Variants in ZNF670 observed in about 807,000 individuals in gnomAD.
The protein encoded by ZNF670 is zinc finger protein 670.
Under a neutral mutation model 10.9 loss-of-function variants are expected in ZNF670, and 7 were observed. The observed-to-expected ratio is 0.64, with a 90% CI of 0.36 to 1.20. The LOEUF is 1.20. Among genes scored for constraint, ZNF670 ranks in the 50% most tolerant of loss-of-function variants. The probability of loss-of-function intolerance (pLI) is 0.02; values close to 1 mark genes in which losing one functional copy is unlikely to be tolerated. For missense variants in ZNF670, 446 were observed against 458.6 expected, an observed-to-expected ratio of 0.97 and a Z score of 0.25; for synonymous variants, 136 against 152.7, an observed-to-expected ratio of 0.89 and a Z score of 0.81.
At chr1:247,072,637 A>T (rs541983211) in intron 1 of ZNF670, among the ~76,000 whole-genome samples, 3 of 151,312 alleles carry the variant, frequency 2.0e-5, no homozygotes, top group East Asian at 3.9e-4. Flanking sequence ...ATACAAAAAA[A>T]TTAGCTGGGC....
At chr1:247,067,643 C>T (rs1466392833) in intron 1 of ZNF670, among the ~76,000 whole-genome samples, 2 of 147,008 alleles carry the variant, frequency 1.4e-5, no homozygotes, top group Non-Finnish European at 3.0e-5. Flanking sequence ...GAGATCGAGA[C>T]CATCCCGGCT....
rs753609409 is a variant in ZNF670, at chr1:247,038,026, TTA to T, written c.591_592del (p.Tyr197Ter). Reference sequence around the variant, plus strand: ...GAAGGCTTTATCACAATGTTTACATTTATATGTTTTCTCTCCAGTGTAAGTGC... The same window carrying T: ...GAAGGCTTTATCACAATGTTTACATTTATGTTTTCTCTCCAGTGTAAGTGC... On this transcript the variant is annotated stop_gained and frameshift_variant, in exon 4 of 4. Transcript: ENST00000366503. LOFTEE classifies it low-confidence loss of function (END_TRUNC). 150 of 1,613,834 alleles carry T rather than the reference TTA, an allele frequency of 9.3e-5. No homozygotes were observed. Among genetic ancestry groups the T allele is most frequent in the Non-Finnish European group, 1.2e-4 (144 of 1,179,974 alleles).
rs764265073 is a variant in ZNF670 at position 247,038,011 on chromosome 1, T to C, written c.608A>G (p.Asp203Gly). The C allele has an allele frequency of 6.2e-7, 1 of 1,613,892 alleles. No individual in the cohort carries two copies. Among genetic ancestry groups the C allele is most frequent in the Non-Finnish European group, 8.5e-7 (1 of 1,179,902 alleles). Residue 203 changes from aspartate to glycine, a missense_variant, in exon 4 of 4, where the codon GAT becomes GGT. Asp to Gly is a moderately conservative substitution (Grantham distance 94). Coordinates refer to ENST00000366503, the MANE Select transcript of ZNF670 (RefSeq NM_033213.5). ...GEKTYKCKHC[D>G]KAFNYSSYLR... Reference sequence around the variant, plus strand: ...ATAACTTGAATAATTGAAGGCTTTATCACAATGTTTACATTTATATGTTTT... The same window carrying C: ...ATAACTTGAATAATTGAAGGCTTTACCACAATGTTTACATTTATATGTTTT...
intron 1 of ZNF670, among the ~76,000 whole-genome samples, chr1:247,056,268 A>G (rs1670712841): frequency 6.6e-6 from 1 of 152,214 alleles, no homozygotes; most frequent in African/African-American, 2.4e-5. Flanking sequence ...AGGATAGACC[A>G]TATGGTAGGT....
chr1:247,037,325 A>G lies in ZNF670; in HGVS notation c.*124T>C. ...AATTGCATACATTCTAATCTTCCTT[A>G]CATGTGTTGGGTTTCTCTCTAATTT... On this transcript the variant is annotated 3_prime_UTR_variant, in exon 4 of 4. Coordinates refer to ENST00000366503, the MANE Select transcript of ZNF670 (RefSeq NM_033213.5). 1 of 1,172,602 alleles carries G rather than the reference A, an allele frequency of 8.5e-7. No individual in the cohort carries two copies. The highest frequency in any genetic ancestry group is 1.2e-6 in the Non-Finnish European group (1 of 862,824). The allele number at this position is 1,172,602 out of a possible 1,614,324, so 72.6% of individuals were successfully genotyped here.
rs1670193692 is a variant in ZNF670 at position 247,037,719 on chromosome 1, T to C, written c.900A>G (p.Glu300=). The C allele has an allele frequency of 1.2e-6, 2 of 1,613,942 alleles. No homozygotes were observed. Among genetic ancestry groups the C allele is most frequent in the South Asian group, 1.1e-5 (1 of 91,056 alleles). The change falls in exon 4 of 4, where the codon GAA becomes GAG. Residue 300 remains glutamate, a synonymous_variant. Transcript: ENST00000366503. ...AGGGCTTTTCTCCACTGTGAGTCCT[T>C]TCATGGACTCTGAGGACTCTGGAAC... is the stretch of plus-strand genomic sequence containing the variant. ...FRCSRVLRVH[E]RTHSGEKPYE...
chr1:247,052,236 C>A (rs74155748), intron 1 of ZNF670, among the ~76,000 whole-genome samples: 4,209 of 152,236 alleles, frequency 0.028, 198 homozygotes, highest in African/African-American at 0.094. Flanking sequence ...GAGGAAAGAT[C>A]TGAGGCTCAA....
chr1:247,074,108 A>C (rs116611245), intron 1 of ZNF670, among the ~76,000 whole-genome samples: 61 of 152,326 alleles, frequency 4.0e-4, no homozygotes, highest in African/African-American at 1.4e-3. Context: ...ACACCTTCTC[A>C]TTATGACTTA....
chr1:247,064,404 T>C (rs1670935193), intron 1 of ZNF670, among the ~76,000 whole-genome samples: 1 of 152,210 alleles, frequency 6.6e-6, no homozygotes, highest in Admixed American at 6.5e-5. Flanking sequence ...GCTCCTTCCC[T>C]AAGTGACAAG....
At chr1:247,057,061 A>G (rs1215976739) in intron 1 of ZNF670, among the ~76,000 whole-genome samples, 1 of 152,202 alleles carries the variant, frequency 6.6e-6, no homozygotes, top group Non-Finnish European at 1.5e-5. Flanking sequence ...GTGAAAAGAC[A>G]ACATACAGAA....
At chr1:247,054,346 C>T (rs1670668297) in intron 1 of ZNF670, among the ~76,000 whole-genome samples, 1 of 152,240 alleles carries the variant, frequency 6.6e-6, no homozygotes, top group Admixed American at 6.5e-5. Flanking sequence ...GGGCTTATAC[C>T]ATCCCTCCTT....
chr1:247,068,061 G>A lies in ZNF670; in HGVS notation c.3+10533C>T, dbSNP rs1481469307. On this transcript the variant is annotated intron_variant, in intron 1 of 3. Transcript: ENST00000366503. ...AGGCTGGGCGCAGCGGCTCACGCCT[G>A]TAATCCCAGCACTTTGAGAGGCCGA... is the stretch of plus-strand genomic sequence containing the variant. Among the ~76,000 whole-genome samples the A allele has an allele frequency of 3.0e-4, 45 of 150,580 alleles. 1 individual carries two copies. Among genetic ancestry groups the A allele is most frequent in the African/African-American group, 7.5e-5 (3 of 40,030 alleles).
rs908884415 is a variant in ZNF670 at position 247,036,583 on chromosome 1, G to T, written c.*866C>A. Among the ~76,000 whole-genome samples the T allele has an allele frequency of 3.9e-5, 6 of 152,220 alleles. No homozygotes were observed. The highest frequency in any genetic ancestry group is 3.4e-3 in the Middle Eastern group (1 of 294). Reference sequence around the variant, plus strand: ...AGGCTAAGGTGGGAGAATCACTTGAGCCCAGGAATTTGAGGCTGCAGTGAG... The same window carrying T: ...AGGCTAAGGTGGGAGAATCACTTGATCCCAGGAATTTGAGGCTGCAGTGAG... On this transcript the variant is annotated 3_prime_UTR_variant, in exon 4 of 4. Coordinates refer to ENST00000366503, the MANE Select transcript of ZNF670 (RefSeq NM_033213.5).
chr1:247,075,765 T>C (rs879264774), intron 1 of ZNF670, among the ~76,000 whole-genome samples: 7 of 152,174 alleles, frequency 4.6e-5, no homozygotes, highest in Non-Finnish European at 8.8e-5. Flanking sequence ...CTCTTATAAA[T>C]TGTCCAGCCT....
rs183665011 is a variant in ZNF670, at chr1:247,041,354, G to T, written c.4-1817C>A. On this transcript the variant is annotated intron_variant, in intron 1 of 3. Transcript: ENST00000366503. The stretch of plus-strand genomic sequence containing the variant: ...TGCAATATAAAAGAATTAGTATGAA[G>T]TGTAAAAATGAACACGATTTAAAAG... Among the ~76,000 whole-genome samples, 843 of 152,236 alleles carry T rather than the reference G, an allele frequency of 5.5e-3. 4 individuals carry two copies. Among genetic ancestry groups the T allele is most frequent in the Non-Finnish European group, 8.9e-3 (605 of 68,018 alleles).
Position 247,038,677 on chromosome 1 carries a change from G to T in ZNF670, c.191+133C>A, listed in dbSNP as rs992291744. 1.5e-5 allele frequency: 11 copies of T among 753,622 alleles called. No individual in the cohort carries two copies. The South Asian group carries it at 2.1e-4, about 14-fold the overall frequency. 46.7% of individuals were successfully genotyped at this position (753,622 alleles called of 1,614,324 possible). On this transcript the variant is annotated intron_variant, in intron 3 of 3. Coordinates refer to ENST00000366503, the MANE Select transcript of ZNF670 (RefSeq NM_033213.5). ...TATTGAACATCAATGTTACATTCAG[G>T]TGTATTTTTTGCTAAGACTTTTCTG...
intron 1 of ZNF670, among the ~76,000 whole-genome samples, chr1:247,055,316 T>C (rs1028327925): frequency 6.6e-6 from 1 of 152,266 alleles, no homozygotes; most frequent in Non-Finnish European, 1.5e-5. Context: ...CTTCAGTCTC[T>C]GATTGGCCCC....
rs766268396 is a variant in ZNF670, at chr1:247,037,483, G to C, written c.1136C>G (p.Ser379Cys). 6.2e-6 allele frequency: 10 copies of C among 1,613,294 alleles called. No individual in the cohort carries two copies. In the South Asian group the frequency reaches 9.9e-5, roughly 16 times the overall value. The change falls in exon 4 of 4, where the codon TCC becomes TGC. Residue 379 changes from serine to cysteine, a missense_variant. Transcript: ENST00000366503. ...ATAAGCTCTTTCATGCTTTCGAAGG[G>C]AACTGGAACAACTGAAGGCTTTACC... ...KCGKAFSCSS[S>C]LRKHERAYMW
intron 1 of ZNF670, among the ~76,000 whole-genome samples, chr1:247,078,340 G>T (rs1350454190): frequency 6.6e-6 from 1 of 152,196 alleles, no homozygotes; most frequent in Non-Finnish European, 1.5e-5. Flanking sequence ...GGCACCGCAC[G>T]ATCCGAGGGA....
Sources: allele counts gnomAD v4.1 joint callset (sites outside exome capture counted in the v4.1 genomes callset), GRCh38; gene constraint gnomAD v4.1.1; transcripts MANE v1.5; gene names NCBI Gene and HGNC (gene_info 2026-07-23, HGNC 2026-07-21).